The following CSF2RA variants were observed in gnomAD, a reference collection of about 807,000 sequenced individuals.
The protein encoded by CSF2RA is colony stimulating factor 2 receptor subunit alpha.
Under a neutral mutation model 51.6 loss-of-function variants are expected in CSF2RA, and 42 were observed. The ratio of observed to expected loss-of-function variants is 0.81; its 90% CI spans 0.64 to 1.05. CSF2RA has a LOEUF of 1.05. Ranked by LOEUF, CSF2RA falls within the 50% of genes least tolerant of loss-of-function variation. The pLI, the probability that CSF2RA is intolerant of heterozygous loss-of-function variation, is 0.00. For synonymous variants in CSF2RA, 222 were observed against 193.0 expected (o/e 1.15, Z -1.24); for missense variants, 530 against 501.1 (o/e 1.06, Z -0.55).
chrX:1,316,058 C>T, the CSF2RA span, among the ~76,000 whole-genome samples: 2 of 52,888 alleles, frequency 3.8e-5, no homozygotes, highest in Non-Finnish European at 9.5e-5. Flanking sequence ...ATAGATAGAT[C>T]AATAGATAGA....
intron 1 of CSF2RA, among the ~76,000 whole-genome samples, chrX:1,269,973 G>C (rs1382554160): frequency 6.6e-6 from 1 of 151,820 alleles, no homozygotes; most frequent in Non-Finnish European, 1.5e-5. Context: ...GCTAGGTGTG[G>C]CAGTGTGTGC....
chrX:1,302,164 C>T (rs1480545069), intron 10 of CSF2RA, among the ~76,000 whole-genome samples: 1 of 151,992 alleles, frequency 6.6e-6, no homozygotes, highest in Non-Finnish European at 1.5e-5. Flanking sequence ...GATCTGCCCA[C>T]CTCGCCCTCC....
In CSF2RA at chrX:1,304,815, C is replaced by G. The variant is rs189862151; in HGVS notation, c.1044-631C>G. Among the ~76,000 whole-genome samples the G allele has an allele frequency of 1.8e-3, 267 of 150,876 alleles. 2 individuals are homozygous for G. Among genetic ancestry groups the G allele is most frequent in the African/African-American group, 6.4e-3 (262 of 41,084 alleles). The stretch of plus-strand genomic sequence containing the variant: ...GAGTAGCTGGGATTACAGGCATGCA[C>G]CACGATGCTCACCTAATTTTTGTAT... On this transcript the variant is annotated intron_variant, in intron 11 of 12. Transcript: ENST00000381529.
At chrX:1,280,428 A>C (rs1297917047) in intron 2 of CSF2RA, among the ~76,000 whole-genome samples, 1 of 148,612 alleles carries the variant, frequency 6.7e-6, no homozygotes, top group Non-Finnish European at 1.5e-5. Flanking sequence ...CCAAGATTGC[A>C]CCACTGCACT....
At chrX:1,295,933 C>G (rs1276101465) in intron 9 of CSF2RA, among the ~76,000 whole-genome samples, 2 of 151,084 alleles carry the variant, frequency 1.3e-5, no homozygotes, top group Non-Finnish European at 3.0e-5. Flanking sequence ...CGTAACCCTA[C>G]AGTCCCCTAC....
the CSF2RA span, among the ~76,000 whole-genome samples, chrX:1,316,091 GGATA>G: frequency 1.5e-4 from 12 of 77,804 alleles, no homozygotes; most frequent in African/African-American, 3.6e-4. Flanking sequence ...ATAGATAAAT[GGATA>G]GATAGACACA....
chrX:1,288,875 A>G lies in CSF2RA; in HGVS notation c.460A>G (p.Ile154Val). 6.2e-7 allele frequency: 1 copy of G among 1,608,444 alleles called. No individual in the cohort carries two copies. The highest frequency in any genetic ancestry group is 2.2e-5 in the East Asian group (1 of 44,600). Reference sequence around the variant, plus strand: ...CCGTGACGTCCAGTATTTTTTGTACATACGAAACTCAAAGTAAGTGTTCAC... The same window carrying G: ...CCGTGACGTCCAGTATTTTTTGTACGTACGAAACTCAAAGTAAGTGTTCAC... ...APRDVQYFLY[I>V]RNSKRRREIR... Residue 154 changes from isoleucine (I) to valine (V), a missense_variant, in exon 6 of 13, where the codon ATA (isoleucine) becomes GTA (valine). Ile to Val is a conservative substitution (Grantham distance 29). Transcript: ENST00000381529.
intron 2 of CSF2RA, among the ~76,000 whole-genome samples, chrX:1,275,652 G>A (rs867511764): frequency 2.0e-5 from 3 of 151,626 alleles, no homozygotes; most frequent in South Asian, 2.1e-4. Flanking sequence ...TCCGCCTCCC[G>A]GGTTCACGCC....
chrX:1,324,532 G>C, the CSF2RA span, among the ~76,000 whole-genome samples: 1 of 137,868 alleles, frequency 7.3e-6, no homozygotes, highest in Non-Finnish European at 1.6e-5. Flanking sequence ...AAGGGAGGGA[G>C]GGAGGGAGGA....
chrX:1,296,080 GGCA>G (rs1318031378), intron 9 of CSF2RA, among the ~76,000 whole-genome samples: 3 of 139,466 alleles, frequency 2.2e-5, no homozygotes, highest in East Asian at 2.2e-4. Context: ...CATGAGCCCT[GGCA>G]TAACCCTACA....
At chrX:1,295,675 C>T (rs1258464215) in intron 9 of CSF2RA, 21 of 615,888 alleles carry the variant, frequency 3.4e-5, no homozygotes, top group East Asian at 1.4e-4. Context: ...CGACCTCCAG[C>T]GTAACCCTAC....
At position 1,285,066 on chromosome X, in the gene CSF2RA, A is replaced by T. The variant is rs1188789885; in HGVS notation, c.77-712A>T. Among the ~76,000 whole-genome samples, 8 of 150,810 alleles carry T rather than the reference A, an allele frequency of 5.3e-5. No homozygotes were observed. The South Asian group carries it at 1.0e-3, about 20-fold the overall frequency. Reference sequence around the variant, plus strand: ...ACACCTGCCTAATTTAAATTTTTAAAAAAAAATTTTTTTTAAAGAGATGCG... The same window carrying T: ...ACACCTGCCTAATTTAAATTTTTAATAAAAAATTTTTTTTAAAGAGATGCG... On this transcript the variant is annotated intron_variant, in intron 3 of 12. Coordinates refer to ENST00000381529, the MANE Select transcript of CSF2RA (RefSeq NM_172245.4).
At chrX:1,277,946 C>T (rs2089410834) in intron 2 of CSF2RA, among the ~76,000 whole-genome samples, 2 of 136,160 alleles carry the variant, frequency 1.5e-5, no homozygotes, top group African/African-American at 5.5e-5. Context: ...CACTGCACTC[C>T]AGCCTGGGCA....
chrX:1,323,064 G>A, the CSF2RA span, among the ~76,000 whole-genome samples: 1 of 151,864 alleles, frequency 6.6e-6, no homozygotes, highest in Admixed American at 6.6e-5. Context: ...GGGAGGTGGA[G>A]GTTGCAGTGA....
chrX:1,294,825 G>C (rs770397606), intron 8 of CSF2RA, among the ~76,000 whole-genome samples: 2 of 147,530 alleles, frequency 1.4e-5, no homozygotes, highest in South Asian at 2.1e-4. Context: ...ACCCAGTGTA[G>C]ATAGGAGGAC....
chrX:1,275,612 G>A (rs1289255230), intron 2 of CSF2RA, among the ~76,000 whole-genome samples: 1 of 151,796 alleles, frequency 6.6e-6, no homozygotes, highest in Non-Finnish European at 1.5e-5. Context: ...AGGCTGGAGT[G>A]CAGTGGCGCG....
intron 10 of CSF2RA, chrX:1,303,336 A>G: frequency 2.3e-6 from 1 of 426,380 alleles, no homozygotes; most frequent in Non-Finnish European, 4.2e-6. Context: ...CCCAGGCTCA[A>G]GCGATTCTCC....
At chrX:1,316,240 C>T in the CSF2RA span, among the ~76,000 whole-genome samples, 318 of 52,006 alleles carry the variant, frequency 6.1e-3, 1 homozygote, top group East Asian at 0.019. Flanking sequence ...TGATAGATGA[C>T]AGATGATAGA....
Position 1,288,640 on chromosome X carries a change from C to T in CSF2RA, c.341C>T (p.Ser114Leu), listed in dbSNP as rs750023118. 1 of 1,613,954 alleles carries T rather than the reference C, an allele frequency of 6.2e-7. No individual in the cohort carries two copies. Among genetic ancestry groups the T allele is most frequent in the Non-Finnish European group, 8.5e-7 (1 of 1,179,858 alleles). Reference protein sequence around the residue: ...GFQQKLLYPNSGREGTAAQNF... With the variant: ...GFQQKLLYPNLGREGTAAQNF... ...CAACAGAAACTGCTTTATCCAAATT[C>T]AGGTAAGCAAGACAGCTCAGGGATC... Residue 114 changes from serine (S) to leucine (L), a missense_variant and splice_region_variant, in exon 5 of 13, where the codon TCA becomes TTA. Transcript: ENST00000381529.
Sources: allele counts gnomAD v4.1 joint callset (sites outside exome capture counted in the v4.1 genomes callset), GRCh38; gene constraint gnomAD v4.1.1; transcripts MANE v1.5; gene names NCBI Gene and HGNC (gene_info 2026-07-23, HGNC 2026-07-21).